Variants in IFT74 observed in about 807,000 individuals in gnomAD.
IFT74 encodes the protein intraflagellar transport 74, also known as intraflagellar transport protein 74 homolog.
Under a neutral mutation model 96.7 loss-of-function variants are expected in IFT74, and 92 were observed. The observed-to-expected ratio is 0.95, with a 90% confidence interval of 0.80 to 1.13. IFT74 has a LOEUF of 1.13. Among genes scored for constraint, IFT74 ranks in the 50% most tolerant of loss-of-function variants. The pLI is 0.00. For missense variants in IFT74, 811 were observed against 698.2 expected (o/e 1.16, Z -1.82); for synonymous variants, 223 against 213.2 (o/e 1.05, Z -0.40).
chr9:27,061,300 G>A (rs1820412415), intron 19 of IFT74, among the ~76,000 whole-genome samples: 1 of 152,174 alleles, frequency 6.6e-6, no homozygotes, highest in Non-Finnish European at 1.5e-5. Flanking sequence ...AATTTTAAAT[G>A]TCAACTCTAC....
At chr9:27,028,626 C>T (rs1243144600) in intron 12 of IFT74, among the ~76,000 whole-genome samples, 2 of 151,968 alleles carry the variant, frequency 1.3e-5, no homozygotes, top group African/African-American at 4.8e-5. Context: ...CATGGAGGCG[C>T]GTGCCTCTAG....
At chr9:26,975,520 C>T (rs71510409) in intron 2 of IFT74, among the ~76,000 whole-genome samples, 3,202 of 152,274 alleles carry the variant, frequency 0.021, 58 homozygotes, top group Non-Finnish European at 0.032. Context: ...CATTATCTTT[C>T]CAATATTTTA....
chr9:27,012,451 C>T (rs1334987540), intron 10 of IFT74, among the ~76,000 whole-genome samples: 1 of 151,978 alleles, frequency 6.6e-6, no homozygotes, highest in Non-Finnish European at 1.5e-5. Flanking sequence ...CTCCTGGCCT[C>T]AAGCAATGCT....
At chr9:27,022,951 C>T (rs1159204303) in intron 12 of IFT74, among the ~76,000 whole-genome samples, 1 of 151,986 alleles carries the variant, frequency 6.6e-6, no homozygotes, top group African/African-American at 2.4e-5. Flanking sequence ...TTCTTGATTT[C>T]TTTTCAGCTT....
rs760597305 is a variant in IFT74 at position 27,044,839 on chromosome 9, T to C, written c.1108+44T>C. ...GATATAAAAATATAATATTTTCAGA[T>C]TGCTGTTCATTTATACCAAATCAGA... is the stretch of plus-strand genomic sequence containing the variant. On this transcript the variant is annotated intron_variant, in intron 14 of 19. Coordinates refer to ENST00000380062, the MANE Select transcript of IFT74 (RefSeq NM_025103.4). 6 of 1,158,262 alleles carry C rather than the reference T, an allele frequency of 5.2e-6. No homozygotes were observed. In the South Asian group the frequency reaches 6.4e-5, roughly 12 times the overall value. The allele number at this position is 1,158,262 out of a possible 1,614,324, so 71.7% of individuals were successfully genotyped here. A position where few individuals can be genotyped will look rare whatever the true frequency, so the allele number is the denominator to read the frequency against.
At position 26,961,893 on chromosome 9, in the gene IFT74, T is replaced by C. The variant is rs138302070; in HGVS notation, c.-19-56T>C. 5.9e-4 allele frequency: 937 copies of C among 1,581,864 alleles called. 1 individual carries two copies. In the African/African-American group the frequency reaches 0.01, roughly 18 times the overall value. On this transcript the variant is annotated intron_variant, in intron 1 of 19. Coordinates refer to ENST00000380062, the MANE Select transcript of IFT74 (RefSeq NM_025103.4). ...TAAATGTAAGGGTATGATGGGTCATTATTGTCTTGCTAGAGAAGACATCAA... is the reference window on the plus strand; with the variant it reads ...TAAATGTAAGGGTATGATGGGTCATCATTGTCTTGCTAGAGAAGACATCAA...
Position 26,962,049 on chromosome 9 carries a change from A to G in IFT74, c.82A>G (p.Ile28Val), listed in dbSNP as rs764119440. The G allele has an allele frequency of 2.4e-5, 38 of 1,614,086 alleles. No individual in the cohort carries two copies. Among genetic ancestry groups the G allele is most frequent in the Non-Finnish European group, 3.1e-5 (37 of 1,180,036 alleles). Residue 28 changes from isoleucine to valine, a missense_variant, in exon 2 of 20, where the codon ATA becomes GTA. Physicochemically the swap from Ile to Val is conservative, Grantham distance 29. Transcript: ENST00000380062. ...GTTAACAGGAAGGCCTCCTTCTGGG[A>G]TACGACCCCTATCAGGAAATATTCG... ...VGLTGRPPSG[I>V]RPLSGNIRVA...
chr9:27,024,666 A>G (rs780639408), intron 12 of IFT74, among the ~76,000 whole-genome samples: 1 of 152,146 alleles, frequency 6.6e-6, no homozygotes, highest in Non-Finnish European at 1.5e-5. Context: ...CCAAGAAGAA[A>G]TCTCTGAATT....
At chr9:27,025,443 C>CA (rs57335230) in intron 12 of IFT74, among the ~76,000 whole-genome samples, 15,011 of 77,272 alleles carry the variant, frequency 0.19, 1,540 homozygotes, top group Non-Finnish European at 0.27. Flanking sequence ...ACTCCATCTC[C>CA]AAAAAAAAAA....
chr9:27,029,419 A>T (rs1452381330), intron 13 of IFT74, among the ~76,000 whole-genome samples: 5 of 152,118 alleles, frequency 3.3e-5, no homozygotes, highest in Non-Finnish European at 7.4e-5. Context: ...CCTAAGTTAC[A>T]CTTCCTTCCT....
At chr9:26,974,973 A>G (rs1210394769) in intron 2 of IFT74, among the ~76,000 whole-genome samples, 2 of 152,126 alleles carry the variant, frequency 1.3e-5, no homozygotes, top group African/African-American at 4.8e-5. Flanking sequence ...AATTTTGGAT[A>G]TCCTTTTTAC....
chr9:26,992,897 A>G (rs1587304397), intron 8 of IFT74, among the ~76,000 whole-genome samples: 1 of 152,170 alleles, frequency 6.6e-6, no homozygotes, highest in Non-Finnish European at 1.5e-5. Flanking sequence ...TTCTCTTTCA[A>G]TACAACCATT....
chr9:27,017,054 G>A lies in IFT74; in HGVS notation c.933+4G>A. The stretch of plus-strand genomic sequence containing the variant: ...GAGAGAGAAATTACTTAAGCAGGTG[G>A]GCAAAACAAACATACTTATTTTAAG... On this transcript the variant is annotated splice_donor_region_variant and intron_variant, in intron 11 of 19. Coordinates refer to ENST00000380062, the MANE Select transcript of IFT74 (RefSeq NM_025103.4). 6.3e-7 allele frequency: 1 copy of A among 1,592,880 alleles called. No individual in the cohort carries two copies. Among genetic ancestry groups the A allele is most frequent in the Admixed American group, 1.8e-5 (1 of 54,614 alleles).
At chr9:27,062,520 TACCA>T in intron 19 of IFT74, 94 bp from the exon 20 acceptor site, 1 of 662,064 alleles carries the variant, frequency 1.5e-6, no homozygotes, top group Non-Finnish European at 2.7e-6. Flanking sequence ...TGCTTTTTTG[TACCA>T]TCTTCAGTAT....
intron 4 of IFT74, among the ~76,000 whole-genome samples, chr9:26,982,922 T>G (rs950142134): frequency 1.2e-4 from 18 of 152,186 alleles, no homozygotes; most frequent in African/African-American, 4.3e-4. Flanking sequence ...TCTCTGGGGA[T>G]GCATCTCTAA....
At chr9:27,062,458 T>C (rs1820468433) in intron 19 of IFT74, among the ~76,000 whole-genome samples, 160 bp from the exon 20 acceptor site, 1 of 152,188 alleles carries the variant, frequency 6.6e-6, no homozygotes, top group Admixed American at 6.5e-5. Context: ...TAGGTTTTAA[T>C]TGATGCTTAA....
intron 13 of IFT74, among the ~76,000 whole-genome samples, chr9:27,042,871 A>G (rs1205778580): frequency 6.6e-6 from 1 of 152,200 alleles, no homozygotes; most frequent in Non-Finnish European, 1.5e-5. Context: ...CTATAAGGGT[A>G]TCCCAGATCA....
At chr9:26,981,418 T>C (rs1044070694) in intron 4 of IFT74, among the ~76,000 whole-genome samples, 19 of 151,554 alleles carry the variant, frequency 1.3e-4, no homozygotes, top group African/African-American at 4.4e-4. Context: ...CCTGGCCTCA[T>C]AGCATTTTTT....
chr9:26,952,703 G>A (rs1036323511), upstream of IFT74, among the ~76,000 whole-genome samples: 1 of 152,170 alleles, frequency 6.6e-6, no homozygotes, highest in African/African-American at 2.4e-5. Flanking sequence ...AGTTTCTTGT[G>A]TTCTTCCCAA....
Sources: gnomAD v4.1 joint callset for allele counts (sites outside exome capture counted in the v4.1 genomes callset) on GRCh38, gnomAD v4.1.1 for gene constraint, MANE v1.5 for transcripts, NCBI Gene and HGNC (gene_info 2026-07-23, HGNC 2026-07-21) for gene names.